Variants in DBH observed in about 807,000 individuals in gnomAD.
DBH encodes the protein dopamine beta-hydroxylase (dopamine beta-monooxygenase).
In DBH, 49 loss-of-function variants were observed where a neutral mutation model predicts 64.0. The observed-to-expected ratio is 0.77, with a 90% CI of 0.61 to 0.97. The LOEUF is 0.97. DBH is among the 50% of genes least tolerant of loss of function. The pLI, the probability that DBH is intolerant of heterozygous loss-of-function variation, is 0.00. For missense variants in DBH, 828 were observed against 826.6 expected (o/e 1.00, Z -0.02); for synonymous variants, 343 against 347.1 (o/e 0.99, Z 0.13).
chr9:133,636,819 G>T, intron 1 of DBH, 109 bp downstream of exon 1: 3 of 1,043,994 alleles, frequency 2.9e-6, no homozygotes, highest in Non-Finnish European at 4.3e-6. Flanking sequence ...TCTGTCACCT[G>T]TCAGTGTTTG....
intron 11 of DBH, among the ~76,000 whole-genome samples, chr9:133,657,740 C>T (rs1832354041): frequency 6.6e-6 from 1 of 152,072 alleles, no homozygotes; most frequent in Admixed American, 6.5e-5. Context: ...TATTCGAAGG[C>T]ATCTAATTTA....
At chr9:133,644,105 C>G (rs1832153383) in intron 4 of DBH, 113 bp from the exon 5 acceptor site, 1 of 813,476 alleles carries the variant, frequency 1.2e-6, no homozygotes, top group African/African-American at 1.7e-5. Flanking sequence ...TCCTGCTGCG[C>G]CCCCTCCACC....
intron 1 of DBH, among the ~76,000 whole-genome samples, chr9:133,638,800 G>A (rs1321593588): frequency 1.4e-4 from 22 of 151,984 alleles, no homozygotes; most frequent in Non-Finnish European, 1.5e-5. Context: ...ATCTAAGAAG[G>A]GCCCTTCTTG....
chr9:133,645,497 G>C (rs938223335), intron 5 of DBH, among the ~76,000 whole-genome samples: 6 of 152,178 alleles, frequency 3.9e-5, no homozygotes, highest in African/African-American at 1.4e-4. Context: ...CACCCATCTT[G>C]AGATGGGCTG....
At chr9:133,655,679 A>C (rs1253417509) in intron 9 of DBH, 5 of 152,368 alleles carry the variant, frequency 3.3e-5, no homozygotes, top group African/African-American at 1.2e-4. Flanking sequence ...CCCCAGGCCC[A>C]CAGCAGCTTC....
Position 133,641,483 on chromosome 9 carries a change from A to G in DBH, c.487-724A>G, listed in dbSNP as rs535411625. On this transcript the variant is annotated intron_variant, in intron 2 of 11. Transcript: ENST00000393056. Reference sequence around the variant, plus strand: ...CTGGAGTTCTGGGCGTCCCCTGCACAGGGCGGCCCATCGGCTTTCCGCAAA... The same window carrying G: ...CTGGAGTTCTGGGCGTCCCCTGCACGGGGCGGCCCATCGGCTTTCCGCAAA... 9.6e-4 allele frequency among the ~76,000 whole-genome samples: 146 copies of G among 152,352 alleles called. 1 individual carries two copies. The highest frequency in any genetic ancestry group is 3.4e-3 in the African/African-American group (142 of 41,592).
Position 133,657,415 on chromosome 9 carries a change from GGAGAGAGAGGA to G in DBH, c.1722+194_1722+204del. ...CCAGCCAGCAGAGAGAGAGGAGAGA[GGAGAGAGAGGA>G]GAGAGAGGAGAGAGAGGAGAGAGAG... On this transcript the variant is annotated intron_variant, in intron 11 of 11. Transcript: ENST00000393056. The G allele has an allele frequency of 2.6e-4, 12 of 46,232 alleles. No individual in the cohort carries two copies. In the South Asian group the frequency reaches 3.8e-3, roughly 15 times the overall value. 2.9% of individuals were successfully genotyped at this position (46,232 alleles called of 1,614,324 possible). A position where few individuals can be genotyped will look rare whatever the true frequency, so the allele number is the denominator to read the frequency against.
chr9:133,656,195 G>A (rs1412577058), intron 9 of DBH: 1 of 357,906 alleles, frequency 2.8e-6, no homozygotes. Context: ...GCCACCACGG[G>A]GCATCCCCTT....
chr9:133,644,573 C>A (rs116968484), intron 5 of DBH, among the ~76,000 whole-genome samples: 151 of 152,360 alleles, frequency 9.9e-4, no homozygotes, highest in Middle Eastern at 3.4e-3. Context: ...CCTCCCTCCT[C>A]GTCCCTATAA....
intron 3 of DBH, 79 bp downstream of exon 3, chr9:133,642,543 G>T (rs1000564313): frequency 3.3e-6 from 5 of 1,510,064 alleles, no homozygotes; most frequent in Non-Finnish European, 4.5e-6. Flanking sequence ...ACCCTGGAGA[G>T]CTGTCCACAG....
Position 133,643,618 on chromosome 9 carries a change from T to G in DBH, c.921+29T>G. 6.2e-7 allele frequency: 1 copy of G among 1,611,680 alleles called. No individual in the cohort carries two copies. Among genetic ancestry groups the G allele is most frequent in the Non-Finnish European group, 8.5e-7 (1 of 1,179,194 alleles). ...CGTGCCCTGCGACCCCAGCATGGTG[T>G]CTCCTGCCTGGGCCCCTGGCATCCC... On this transcript the variant is annotated intron_variant, in intron 4 of 11. Coordinates refer to ENST00000393056, the MANE Select transcript of DBH (RefSeq NM_000787.4). This position sits in a 1 kb window ranked among gnomAD's most constrained non-coding sequence, Gnocchi z 5.3.
In DBH at chr9:133,643,270, G is replaced by C. The variant is rs1392073883; in HGVS notation, c.745-143G>C. The C allele has an allele frequency of 4.7e-6, 4 of 848,420 alleles. No individual in the cohort carries two copies. Among genetic ancestry groups the C allele is most frequent in the Non-Finnish European group, 7.7e-6 (4 of 521,922 alleles). The allele number at this position is 848,420 out of a possible 1,614,324, so 52.6% of individuals were successfully genotyped here. ...GGCTGATGGCTCCACCCTCAAGGCTGTGAACCCCAGAAGTGCCCCTGAAAT... is the reference window on the plus strand; with the variant it reads ...GGCTGATGGCTCCACCCTCAAGGCTCTGAACCCCAGAAGTGCCCCTGAAAT... On this transcript the variant is annotated intron_variant, in intron 3 of 11. Coordinates refer to ENST00000393056, the MANE Select transcript of DBH (RefSeq NM_000787.4). The surrounding 1 kb of genome is among the most constrained non-coding windows in gnomAD (Gnocchi z 5.3).
At chr9:133,649,653 T>A (rs1450211630) in intron 6 of DBH, among the ~76,000 whole-genome samples, 1 of 152,140 alleles carries the variant, frequency 6.6e-6, no homozygotes, top group Non-Finnish European at 1.5e-5. Context: ...GGAAATCAGC[T>A]CCTTTTGTCC....
At chr9:133,653,370 C>T (rs1255145761) in intron 9 of DBH, among the ~76,000 whole-genome samples, 1 of 152,136 alleles carries the variant, frequency 6.6e-6, no homozygotes, top group Non-Finnish European at 1.5e-5. Flanking sequence ...TTGACCTTTG[C>T]CCCGTGGAGC....
intron 11 of DBH, 179 bp downstream of exon 11, chr9:133,657,408 G>GGAGAGAGGA (rs567810295): frequency 2.8e-4 from 117 of 421,808 alleles, no homozygotes; most frequent in African/African-American, 5.2e-4. Context: ...CAGAGAGAGA[G>GGAGAGAGGA]GAGAGAGGAG....
chr9:133,637,525 C>T (rs1301386329), intron 1 of DBH, among the ~76,000 whole-genome samples: 2 of 152,216 alleles, frequency 1.3e-5, no homozygotes, highest in Middle Eastern at 3.2e-3. Flanking sequence ...CAGAAACACA[C>T]AAAGGAGTGA....
At chr9:133,652,149 G>A in intron 7 of DBH, 97 bp from the exon 8 acceptor site, 3 of 1,406,790 alleles carry the variant, frequency 2.1e-6, no homozygotes, top group Non-Finnish European at 3.0e-6. Flanking sequence ...CACCCCCAGA[G>A]GTCAGGGAGG....
rs548685398 is a variant in DBH at position 133,641,487 on chromosome 9, C to T, written c.487-720C>T. On this transcript the variant is annotated intron_variant, in intron 2 of 11. Transcript: ENST00000393056. ...AGTTCTGGGCGTCCCCTGCACAGGGCGGCCCATCGGCTTTCCGCAAACTCA... is the reference window on the plus strand; with the variant it reads ...AGTTCTGGGCGTCCCCTGCACAGGGTGGCCCATCGGCTTTCCGCAAACTCA... Among the ~76,000 whole-genome samples, 241 of 152,356 alleles carry T rather than the reference C, an allele frequency of 1.6e-3. 1 individual carries two copies. The highest frequency in any genetic ancestry group is 2.1e-3 in the Non-Finnish European group (142 of 68,032).
intron 9 of DBH, 86 bp from the exon 10 acceptor site, chr9:133,656,437 G>A: frequency 6.3e-7 from 1 of 1,583,644 alleles, no homozygotes; most frequent in Admixed American, 1.7e-5. Context: ...AGTGGACGCA[G>A]TGTACACGTG....
Sources: allele counts gnomAD v4.1 joint callset (sites outside exome capture counted in the v4.1 genomes callset), GRCh38; gene constraint gnomAD v4.1.1; non-coding constraint Gnocchi (gnomAD v3.1); transcripts MANE v1.5; gene names NCBI Gene and HGNC (gene_info 2026-07-23, HGNC 2026-07-21).